The following RASA3 variants were observed in gnomAD, a reference collection of about 807,000 sequenced individuals.
RASA3 encodes ras GTPase-activating protein 3.
Under a neutral mutation model 110.0 loss-of-function variants are expected in RASA3, and 73 were observed. The ratio of observed to expected loss-of-function variants is 0.66; its 90% CI spans 0.55 to 0.81. The LOEUF is 0.81. Ranked by LOEUF, RASA3 falls within the 30% of genes least tolerant of loss-of-function variation. RASA3 has a pLI of 0.00. For missense variants in RASA3, 976 were observed against 1,113.2 expected (o/e 0.88, Z 1.75); for synonymous variants, 500 against 451.4 (o/e 1.11, Z -1.37).
Position 113,991,000 on chromosome 13 carries a change from A to G in RASA3, c.2245+1485T>C, listed in dbSNP as rs111837309. 2.4e-3 allele frequency among the ~76,000 whole-genome samples: 71 copies of G among 29,640 alleles called. 4 individuals carry two copies. Among genetic ancestry groups the G allele is most frequent in the African/African-American group, 6.2e-3 (25 of 4,052 alleles). 19.4% of individuals were successfully genotyped at this position (29,640 alleles called of 152,430 possible). ...GGGCAGCTGCACGGACACCCAGGGC[A>G]TGTGGGGCTGGAGATCAGGCGTGGC... On this transcript the variant is annotated intron_variant, in intron 22 of 23. Coordinates refer to ENST00000334062, the MANE Select transcript of RASA3 (RefSeq NM_007368.4).
At chr13:114,082,194 G>A (rs903907895) in intron 1 of RASA3, among the ~76,000 whole-genome samples, 11 of 152,202 alleles carry the variant, frequency 7.2e-5, no homozygotes, top group African/African-American at 1.7e-4. Flanking sequence ...GGGGAGCTGC[G>A]GGTCTCACAG....
intron 1 of RASA3, among the ~76,000 whole-genome samples, chr13:114,131,874 CACAA>C (rs1193127920): frequency 2.6e-5 from 4 of 152,066 alleles, no homozygotes; most frequent in African/African-American, 9.7e-5. Flanking sequence ...CACAAGCACA[CACAA>C]ACACGCGCGC....
chr13:114,104,928 C>G (rs911796762), intron 1 of RASA3, among the ~76,000 whole-genome samples: 8 of 151,442 alleles, frequency 5.3e-5, no homozygotes, highest in African/African-American at 1.7e-4. Flanking sequence ...TCCCCACACA[C>G]GTTCACCTGA....
chr13:114,105,265 C>T (rs1277292244), intron 1 of RASA3, among the ~76,000 whole-genome samples: 3 of 152,120 alleles, frequency 2.0e-5, no homozygotes, highest in African/African-American at 7.2e-5. Context: ...GCCTCATCCC[C>T]AGCAGCCGCC....
Position 114,097,572 on chromosome 13 carries a change from C to T in RASA3, c.56-23735G>A, listed in dbSNP as rs146150857. Reference sequence around the variant, plus strand: ...GAAGTGTCTTCCTGAAGCATCTAAACGCCCTCTGAGTTCCTTCTCCCAGAA... The same window carrying T: ...GAAGTGTCTTCCTGAAGCATCTAAATGCCCTCTGAGTTCCTTCTCCCAGAA... On this transcript the variant is annotated intron_variant, in intron 1 of 23. Coordinates refer to ENST00000334062, the MANE Select transcript of RASA3 (RefSeq NM_007368.4). Among the ~76,000 whole-genome samples the T allele has an allele frequency of 1.9e-3, 286 of 152,366 alleles. 3 individuals are homozygous for T. In the East Asian group the frequency reaches 0.048, roughly 25 times the overall value.
chr13:114,131,854 GACACACAAACACAAGC>G (rs1479232166), intron 1 of RASA3, among the ~76,000 whole-genome samples: 3 of 151,156 alleles, frequency 2.0e-5, no homozygotes, highest in Non-Finnish European at 3.0e-5. Context: ...CCCACACATG[GACACACAAACACAAGC>G]ACACACAAAC....
chr13:114,131,905 G>A (rs538482409), intron 1 of RASA3, among the ~76,000 whole-genome samples: 1 of 152,172 alleles, frequency 6.6e-6, no homozygotes. Flanking sequence ...GCACAGACGC[G>A]CGCGCACAGC....
At chr13:114,076,572 GCACACGCACA>G (rs1380999623) in intron 1 of RASA3, among the ~76,000 whole-genome samples, 1 of 151,900 alleles carries the variant, frequency 6.6e-6, no homozygotes, top group African/African-American at 2.4e-5. Context: ...CACGCAGGCA[GCACACGCACA>G]CACACGCGGC....
chr13:114,025,284 C>A (rs2054006631), intron 7 of RASA3, among the ~76,000 whole-genome samples: 1 of 152,230 alleles, frequency 6.6e-6, no homozygotes, highest in African/African-American at 2.4e-5. Context: ...CACGCAGGGG[C>A]AGTTCTCTGC....
intron 2 of RASA3, among the ~76,000 whole-genome samples, chr13:114,069,445 A>AG (rs2079516401): frequency 3.8e-4 from 21 of 55,596 alleles, no homozygotes; most frequent in Middle Eastern, 0.013. Context: ...AGACTCAGGG[A>AG]CCGGGAGACT....
At chr13:114,116,904 T>TGA (rs1441697165) in intron 1 of RASA3, among the ~76,000 whole-genome samples, 3 of 91,154 alleles carry the variant, frequency 3.3e-5, no homozygotes, top group East Asian at 3.2e-4. Flanking sequence ...GTGTGAGGGG[T>TGA]GCACGTGTGT....
intron 20 of RASA3, among the ~76,000 whole-genome samples, chr13:113,997,274 T>C (rs553261286): frequency 6.6e-6 from 1 of 152,246 alleles, no homozygotes; most frequent in South Asian, 2.1e-4. Context: ...CAACAACCTT[T>C]ACCATTTATT....
chr13:114,114,233 T>C lies in RASA3; in HGVS notation c.55+18202A>G, dbSNP rs1402001918. ...CCTGGCCTATCCTCAGCACAGCCCA[T>C]GTGACGTTAGAAAGGCAACCGCAAA... On this transcript the variant is annotated intron_variant, in intron 1 of 23. Transcript: ENST00000334062. The surrounding 1 kb of genome is among the most constrained non-coding windows in gnomAD (Gnocchi z 4.8). Among the ~76,000 whole-genome samples the C allele has an allele frequency of 1.3e-5, 2 of 152,188 alleles. No homozygotes were observed. The highest frequency in any genetic ancestry group is 4.8e-5 in the African/African-American group (2 of 41,456).
chr13:114,126,281 GC>G (rs1463365199), intron 1 of RASA3, among the ~76,000 whole-genome samples: 1 of 152,194 alleles, frequency 6.6e-6, no homozygotes, highest in Non-Finnish European at 1.5e-5. Context: ...ACCCCGTGTG[GC>G]CCCTTCTGTC....
At chr13:114,031,537 T>C (rs1325773111) in intron 4 of RASA3, among the ~76,000 whole-genome samples, 1 of 74,998 alleles carries the variant, frequency 1.3e-5, no homozygotes, top group Non-Finnish European at 2.5e-5. Flanking sequence ...TGTGTCCACC[T>C]GTGTATGTGT....
intron 17 of RASA3, 47 bp downstream of exon 17, chr13:114,009,340 C>G: frequency 1.4e-6 from 2 of 1,450,930 alleles, no homozygotes; most frequent in Non-Finnish European, 1.9e-6. Flanking sequence ...AGAACTCCGT[C>G]TCCTGAGCAC....
Position 114,011,073 on chromosome 13 carries a change from C to T in RASA3, c.1590+98G>A, listed in dbSNP as rs938727840. On this transcript the variant is annotated intron_variant, in intron 16 of 23. Transcript: ENST00000334062. The surrounding 1 kb of genome is among the most constrained non-coding windows in gnomAD (Gnocchi z 4.8). The stretch of plus-strand genomic sequence containing the variant: ...GCTTTGATTCTTGATCTTTATCTTA[C>T]GACTCTCTCAAATGTGGGAGGTTTT... The T allele has an allele frequency of 2.0e-5, 23 of 1,125,206 alleles. No homozygotes were observed. Among genetic ancestry groups the T allele is most frequent in the Middle Eastern group, 1.9e-4 (1 of 5,148 alleles). The allele number at this position is 1,125,206 out of a possible 1,614,324, so 69.7% of individuals were successfully genotyped here.
chr13:114,132,504 C>A lies in RASA3; in HGVS notation c.-15G>T. 1 of 1,476,866 alleles carries A rather than the reference C, an allele frequency of 6.8e-7. No homozygotes were observed. Among genetic ancestry groups the A allele is most frequent in the Non-Finnish European group, 8.9e-7 (1 of 1,117,854 alleles). The allele number at this position is 1,476,866 out of a possible 1,614,324, so 91.5% of individuals were successfully genotyped here. On this transcript the variant is annotated 5_prime_UTR_variant, in exon 1 of 24. Coordinates refer to ENST00000334062, the MANE Select transcript of RASA3 (RefSeq NM_007368.4). ...TCCACCGCCATGCTGCGCGTCCGCG[C>A]CCGCCGAGCCTCGCCCCAAGCGCGC... is the stretch of plus-strand genomic sequence containing the variant.
intron 3 of RASA3, among the ~76,000 whole-genome samples, chr13:114,045,497 G>A (rs1488590201): frequency 2.0e-5 from 3 of 152,154 alleles, no homozygotes; most frequent in Non-Finnish European, 2.9e-5. Context: ...AGAGCTGCCC[G>A]AGACAGGGAA....
Sources: allele counts gnomAD v4.1 joint callset (sites outside exome capture counted in the v4.1 genomes callset), GRCh38; gene constraint gnomAD v4.1.1; non-coding constraint Gnocchi (gnomAD v3.1); transcripts MANE v1.5; gene names NCBI Gene and HGNC (gene_info 2026-07-23, HGNC 2026-07-21).